SCN2B: variants seen among roughly 807,000 people sequenced by gnomAD.
SCN2B encodes sodium voltage-gated channel beta subunit 2.
Under a neutral mutation model 18.2 loss-of-function variants are expected in SCN2B, and 14 were observed. That is an observed-to-expected ratio of 0.77 (90% CI 0.51 to 1.21). The LOEUF (loss-of-function observed/expected upper bound fraction) is 1.21, where lower values mean the gene tolerates loss of function less well. Among genes scored for constraint, SCN2B ranks in the 50% most tolerant of loss-of-function variants. The pLI is 0.00. For missense variants in SCN2B, 262 were observed against 286.9 expected, an observed-to-expected ratio of 0.91 and a Z score of 0.63; for synonymous variants, 115 against 115.3, an observed-to-expected ratio of 1.00 and a Z score of 0.02.
At chr11:118,174,177 C>T (rs778156536) in intron 1 of SCN2B, among the ~76,000 whole-genome samples, 15 of 136,658 alleles carry the variant, frequency 1.1e-4, no homozygotes, top group African/African-American at 4.2e-4. Flanking sequence ...TGGCCTCAAG[C>T]GATCCTCCCA....
intron 1 of SCN2B, among the ~76,000 whole-genome samples, chr11:118,174,849 T>C (rs1171870417): frequency 6.6e-6 from 1 of 152,238 alleles, no homozygotes; most frequent in Admixed American, 6.5e-5. Context: ...GAAAGGGTCC[T>C]GTCCTCCAGC....
chr11:118,172,728 G>C (rs2135520268), intron 1 of SCN2B, among the ~76,000 whole-genome samples: 1 of 152,242 alleles, frequency 6.6e-6, no homozygotes, highest in African/African-American at 2.4e-5. Context: ...GGCACATCTG[G>C]GCCCTCAGGC....
Position 118,168,154 on chromosome 11 carries a change from A to T in SCN2B, c.379T>A (p.Cys127Ser), listed in dbSNP as rs770067730. The T allele has an allele frequency of 6.2e-7, 1 of 1,614,044 alleles. No individual in the cohort carries two copies. The highest frequency in any genetic ancestry group is 1.3e-5 in the African/African-American group (1 of 74,904). ...VQPEDEGIYN[C>S]YIMNPPDRHR... ...CGGTCAGGGGGGTTCATGATGTAGCAGTTGTAAATCCCCTCATCCTCCGGC... is the reference window on the plus strand; with the variant it reads ...CGGTCAGGGGGGTTCATGATGTAGCTGTTGTAAATCCCCTCATCCTCCGGC... The change falls in exon 3 of 4, where the codon TGC becomes AGC. Residue 127 changes from cysteine (C) to serine (S), a missense_variant. By Grantham distance (112) the Cys-to-Ser change is moderately radical. Coordinates refer to ENST00000278947, the MANE Select transcript of SCN2B (RefSeq NM_004588.5). The surrounding 1 kb of genome is among the most constrained non-coding windows in gnomAD (Gnocchi z 4.7).
At position 118,168,500 on chromosome 11, in the gene SCN2B, T is replaced by C. The variant is rs1268760008; in HGVS notation, c.237+85A>G. 2 of 1,564,692 alleles carry C rather than the reference T, an allele frequency of 1.3e-6. No homozygotes were observed. The highest frequency in any genetic ancestry group is 1.8e-6 in the Non-Finnish European group (2 of 1,136,702). On this transcript the variant is annotated intron_variant, in intron 2 of 3. Transcript: ENST00000278947. This position sits in a 1 kb window ranked among gnomAD's most constrained non-coding sequence, Gnocchi z 4.7. ...AGGGTCCTCTGGGGCCCTAGCGCAG[T>C]GCCGGGGCCGGTGGTGGGACCAGGG...
At chr11:118,174,070 T>A (rs1948449223) in intron 1 of SCN2B, among the ~76,000 whole-genome samples, 2 of 150,100 alleles carry the variant, frequency 1.3e-5, no homozygotes, top group South Asian at 4.2e-4. Context: ...CATGCCACCA[T>A]GCCTGGCTTA....
chr11:118,172,847 T>G (rs1948439957), intron 1 of SCN2B, among the ~76,000 whole-genome samples: 1 of 151,742 alleles, frequency 6.6e-6, no homozygotes, highest in South Asian at 2.1e-4. Context: ...TCTTCACTCC[T>G]CTTTCCACCC....
rs188068028 is a variant in SCN2B, at chr11:118,174,646, G to A, written c.70+1716C>T. Among the ~76,000 whole-genome samples the A allele has an allele frequency of 9.2e-5, 14 of 152,162 alleles. No homozygotes were observed. The East Asian group carries it at 2.5e-3, about 27-fold the overall frequency. On this transcript the variant is annotated intron_variant, in intron 1 of 3. Coordinates refer to ENST00000278947, the MANE Select transcript of SCN2B (RefSeq NM_004588.5). ...CCTGCATCCTCTCCCACTCAGCTTT[G>A]CAGAAGCTTTAGCTTCCTCCCACTA...
Position 118,165,844 on chromosome 11 carries a change from A to G in SCN2B, c.*1043T>C, listed in dbSNP as rs1242675833. On this transcript the variant is annotated 3_prime_UTR_variant, in exon 4 of 4. Coordinates refer to ENST00000278947, the MANE Select transcript of SCN2B (RefSeq NM_004588.5). ...TGGCTGCAGATGGGACAGGGCTGGC[A>G]TTGGCAGCTCAGGTTCCAAGGCCTC... The G allele has an allele frequency of 6.6e-6, 1 of 152,280 alleles. No homozygotes were observed. Among genetic ancestry groups the G allele is most frequent in the Non-Finnish European group, 1.5e-5 (1 of 68,082 alleles). The allele number at this position is 152,280 out of a possible 1,614,324, so 9.4% of individuals were successfully genotyped here.
rs541922010 is a variant in SCN2B at position 118,164,268 on chromosome 11, A to C, written c.*2619T>G. ...AGAGAAGGACACTTAAAGGGTGACC[A>C]AAAAAATGAAATCTGCAAGCTGCAG... is the stretch of plus-strand genomic sequence containing the variant. On this transcript the variant is annotated 3_prime_UTR_variant, in exon 4 of 4. Transcript: ENST00000278947. The C allele has an allele frequency of 1.9e-3, 286 of 152,748 alleles. 1 individual carries two copies. The highest frequency in any genetic ancestry group is 3.2e-3 in the Non-Finnish European group (219 of 68,022). The allele number at this position is 152,748 out of a possible 1,614,324, so 9.5% of individuals were successfully genotyped here.
chr11:118,168,355 T>TGAG lies in SCN2B; in HGVS notation c.238-63_238-61dup. 1.4e-6 allele frequency: 2 copies of TGAG among 1,477,744 alleles called. No homozygotes were observed. The allele number at this position is 1,477,744 out of a possible 1,614,324, so 91.5% of individuals were successfully genotyped here. Reference sequence around the variant, plus strand: ...GATGAGCAAGGAACTACAAGGACAGTGAGGATGCCCCCTCTTCCCATCCAC... The same window carrying TGAG: ...GATGAGCAAGGAACTACAAGGACAGTGAGGAGGATGCCCCCTCTTCCCATCCAC... On this transcript the variant is annotated intron_variant, in intron 2 of 3. Coordinates refer to ENST00000278947, the MANE Select transcript of SCN2B (RefSeq NM_004588.5). The surrounding 1 kb of genome is among the most constrained non-coding windows in gnomAD (Gnocchi z 4.7).
rs537377450 is a variant in SCN2B at position 118,167,600 on chromosome 11, A to G, written c.448+485T>C. Among the ~76,000 whole-genome samples, 34 of 152,292 alleles carry G rather than the reference A, an allele frequency of 2.2e-4. 1 individual carries two copies. The South Asian group carries it at 6.4e-3, about 29-fold the overall frequency. ...GAAACAGGGTCTTGCTCTGTTGCCC[A>G]AGCTGGAGTGCAGTGGCACAATCAT... is the stretch of plus-strand genomic sequence containing the variant. On this transcript the variant is annotated intron_variant, in intron 3 of 3. Transcript: ENST00000278947.
Position 118,176,496 on chromosome 11 carries a change from A to G in SCN2B, c.-65T>C. On this transcript the variant is annotated 5_prime_UTR_variant, in exon 1 of 4. Coordinates refer to ENST00000278947, the MANE Select transcript of SCN2B (RefSeq NM_004588.5). ...AGGGTGATTTGAGGGGGCGAGAACT[A>G]CAAGGGAGGAATGGTTGGATGCTAA... is the stretch of plus-strand genomic sequence containing the variant. 3.4e-6 allele frequency: 4 copies of G among 1,184,024 alleles called. No individual in the cohort carries two copies. Among genetic ancestry groups the G allele is most frequent in the African/African-American group, 1.5e-5 (1 of 66,520 alleles). The allele number at this position is 1,184,024 out of a possible 1,614,324, so 73.3% of individuals were successfully genotyped here.
chr11:118,165,842 G>C lies in SCN2B; in HGVS notation c.*1045C>G, dbSNP rs1377847317. 6.6e-6 allele frequency: 1 copy of C among 152,290 alleles called. No homozygotes were observed. Among genetic ancestry groups the C allele is most frequent in the African/African-American group, 2.4e-5 (1 of 41,452 alleles). 9.4% of individuals were successfully genotyped at this position (152,290 alleles called of 1,614,324 possible). ...TGTGGCTGCAGATGGGACAGGGCTG[G>C]CATTGGCAGCTCAGGTTCCAAGGCC... On this transcript the variant is annotated 3_prime_UTR_variant, in exon 4 of 4. Coordinates refer to ENST00000278947, the MANE Select transcript of SCN2B (RefSeq NM_004588.5).
At position 118,168,870 on chromosome 11, in the gene SCN2B, G is replaced by A; in HGVS notation, c.71-119C>T. 1 of 1,065,884 alleles carries A rather than the reference G, an allele frequency of 9.4e-7. No individual in the cohort carries two copies. The highest frequency in any genetic ancestry group is 1.5e-6 in the Non-Finnish European group (1 of 689,482). The allele number at this position is 1,065,884 out of a possible 1,614,324, so 66.0% of individuals were successfully genotyped here. ...GAGCAGAGCCACAGGGAGGGGACTG[G>A]GTCCCTGACAGCTCCAGTTAATCAG... On this transcript the variant is annotated intron_variant, in intron 1 of 3. Coordinates refer to ENST00000278947, the MANE Select transcript of SCN2B (RefSeq NM_004588.5). The surrounding 1 kb of genome is among the most constrained non-coding windows in gnomAD (Gnocchi z 4.7).
In SCN2B at chr11:118,163,963, G is replaced by A. The variant is rs185800745; in HGVS notation, c.*2924C>T. 33 of 152,280 alleles carry A rather than the reference G, an allele frequency of 2.2e-4. No homozygotes were observed. The highest frequency in any genetic ancestry group is 1.2e-3 in the East Asian group (6 of 5,170). The allele number at this position is 152,280 out of a possible 1,614,324, so 9.4% of individuals were successfully genotyped here. On this transcript the variant is annotated 3_prime_UTR_variant, in exon 4 of 4. Coordinates refer to ENST00000278947, the MANE Select transcript of SCN2B (RefSeq NM_004588.5). ...CTGGAGGAGATTCTAAGAGGCTCCA[G>A]AAGAAAATGCATATGAGGGCTGAGC...
In SCN2B at chr11:118,165,691, A is replaced by T. The variant is rs950852258; in HGVS notation, c.*1196T>A. 1 of 152,256 alleles carries T rather than the reference A, an allele frequency of 6.6e-6. No individual in the cohort carries two copies. The highest frequency in any genetic ancestry group is 1.5e-5 in the Non-Finnish European group (1 of 68,100). 9.4% of individuals were successfully genotyped at this position (152,256 alleles called of 1,614,324 possible). ...GGGGTTTTGCCCATTTCTACTAAAC[A>T]GATGGAGGTAATCCACCCGCCTTGG... On this transcript the variant is annotated 3_prime_UTR_variant, in exon 4 of 4. Coordinates refer to ENST00000278947, the MANE Select transcript of SCN2B (RefSeq NM_004588.5).
At chr11:118,176,242 T>G (rs1359951109) in intron 1 of SCN2B, 120 bp downstream of exon 1, 2 of 958,016 alleles carry the variant, frequency 2.1e-6, no homozygotes, top group East Asian at 5.0e-5. Flanking sequence ...GCACCTCCCC[T>G]CCCAAGGACA....
At chr11:118,174,676 C>T (rs769753469) in intron 1 of SCN2B, among the ~76,000 whole-genome samples, 1 of 152,190 alleles carries the variant, frequency 6.6e-6, no homozygotes, top group Non-Finnish European at 1.5e-5. Flanking sequence ...CCACTACCAT[C>T]TCCCCACCCC....
Position 118,166,826 on chromosome 11 carries a change from C to A in SCN2B, c.*61G>T. Reference sequence around the variant, plus strand: ...CACACCAAGAGCGAGCAGGCAGGGTCACTGTACAGGGCGGAGAGGGGAGGA... The same window carrying A: ...CACACCAAGAGCGAGCAGGCAGGGTAACTGTACAGGGCGGAGAGGGGAGGA... On this transcript the variant is annotated 3_prime_UTR_variant, in exon 4 of 4. Coordinates refer to ENST00000278947, the MANE Select transcript of SCN2B (RefSeq NM_004588.5). 6.3e-7 allele frequency: 1 copy of A among 1,599,666 alleles called. No homozygotes were observed. The highest frequency in any genetic ancestry group is 1.1e-5 in the South Asian group (1 of 90,814).
Sources: gnomAD v4.1 joint callset for allele counts (sites outside exome capture counted in the v4.1 genomes callset) on GRCh38, gnomAD v4.1.1 for gene constraint, Gnocchi (gnomAD v3.1) non-coding constraint, MANE v1.5 for transcripts, NCBI Gene and HGNC (gene_info 2026-07-23, HGNC 2026-07-21) for gene names.